Variants in AFF3 observed in about 807,000 individuals in gnomAD.
AFF3 encodes the protein AF4/FMR2 family member 3.
In AFF3, 32 loss-of-function variants were observed where a neutral mutation model predicts 129.7. The ratio of observed to expected loss-of-function variants is 0.25; its 90% CI spans 0.19 to 0.33. The LOEUF is 0.33. Among genes scored for constraint, AFF3 ranks in the 10% least tolerant of loss-of-function variants. AFF3 has a pLI of 1.00. For synonymous variants in AFF3, 644 were observed against 635.4 expected, an observed-to-expected ratio of 1.01 and a Z score of -0.20; for missense variants, 1,373 against 1,592.0, an observed-to-expected ratio of 0.86 and a Z score of 2.34.
chr2:99,691,139 G>A (rs927893201), intron 11 of AFF3, among the ~76,000 whole-genome samples: 1 of 151,960 alleles, frequency 6.6e-6, no homozygotes, highest in Non-Finnish European at 1.5e-5. Flanking sequence ...ATATTAGCTG[G>A]GACTTCCTCA....
In AFF3 at chr2:100,142,516, C is replaced by T. The variant is rs1298410019; in HGVS notation, c.-260G>A. ...CTCCCGTTCCTTTTCTTTCTCTCCC[C>T]AGTAAGTCGTTGAACGTCTTTCTTC... On this transcript the variant is annotated 5_prime_UTR_variant, in exon 1 of 25. Coordinates refer to ENST00000672756, the MANE Select transcript of AFF3 (RefSeq NM_001386135.1). 2.0e-5 allele frequency: 3 copies of T among 152,388 alleles called. No homozygotes were observed. Among genetic ancestry groups the T allele is most frequent in the Non-Finnish European group, 4.4e-5 (3 of 68,110 alleles). The allele number at this position is 152,388 out of a possible 1,614,324, so 9.4% of individuals were successfully genotyped here.
intron 11 of AFF3, among the ~76,000 whole-genome samples, chr2:99,697,118 T>C (rs182388571): frequency 1.2e-3 from 182 of 152,296 alleles, no homozygotes; most frequent in Non-Finnish European, 1.9e-3. Context: ...GGAATCTCAG[T>C]CCAGGGCAAA....
At chr2:100,024,231 C>CAA (rs56368025) in intron 4 of AFF3, among the ~76,000 whole-genome samples, 79 of 55,874 alleles carry the variant, frequency 1.4e-3, no homozygotes, top group East Asian at 2.1e-3. Flanking sequence ...GACTCCGTCT[C>CAA]AAAAAAAAAA....
chr2:99,711,852 T>C (rs1030360352), intron 11 of AFF3, among the ~76,000 whole-genome samples: 2 of 152,202 alleles, frequency 1.3e-5, no homozygotes, highest in Admixed American at 1.3e-4. Flanking sequence ...CAATATTTAT[T>C]GATTGCTTGC....
chr2:99,836,517 T>C (rs1688885924), intron 8 of AFF3, among the ~76,000 whole-genome samples: 1 of 152,186 alleles, frequency 6.6e-6, no homozygotes, highest in African/African-American at 2.4e-5. Context: ...TCTCAATTAG[T>C]TATTCTGGTC....
At chr2:99,961,309 T>C (rs1360857914) in intron 7 of AFF3, among the ~76,000 whole-genome samples, 2 of 152,168 alleles carry the variant, frequency 1.3e-5, no homozygotes, top group African/African-American at 2.4e-5. Context: ...ATCATATACT[T>C]TGGGCATCAC....
In AFF3 at chr2:100,007,023, T is replaced by A; in HGVS notation, c.488-6A>T. The A allele has an allele frequency of 6.2e-7, 1 of 1,600,224 alleles. No homozygotes were observed. The highest frequency in any genetic ancestry group is 1.1e-5 in the South Asian group (1 of 89,824). ...CCTGAGAGAGCCCTGTTGTGCTGAGTTGGAAGAAGAAGAAGAGGAAGATAA... is the reference window on the plus strand; with the variant it reads ...CCTGAGAGAGCCCTGTTGTGCTGAGATGGAAGAAGAAGAAGAGGAAGATAA... On this transcript the variant is annotated splice_region_variant and splice_polypyrimidine_tract_variant and intron_variant, in intron 6 of 24. Transcript: ENST00000672756.
chr2:99,842,405 A>G (rs927577051), intron 7 of AFF3, among the ~76,000 whole-genome samples: 1 of 152,160 alleles, frequency 6.6e-6, no homozygotes, highest in Non-Finnish European at 1.5e-5. Context: ...GTACCCACTG[A>G]GAAGGAAGGC....
intron 4 of AFF3, among the ~76,000 whole-genome samples, chr2:100,014,741 C>T (rs867676107): frequency 8.1e-5 from 12 of 149,068 alleles, no homozygotes; most frequent in East Asian, 2.0e-4. Context: ...TATTCAGAGG[C>T]GGTTATGTTA....
chr2:99,645,004 C>G (rs746930440), intron 13 of AFF3, among the ~76,000 whole-genome samples: 1 of 152,210 alleles, frequency 6.6e-6, no homozygotes, highest in Non-Finnish European at 1.5e-5. Context: ...CCTTTGCAAA[C>G]TGAGATTTTC....
chr2:100,135,193 A>C (rs1345499116), intron 1 of AFF3, among the ~76,000 whole-genome samples: 1 of 152,216 alleles, frequency 6.6e-6, no homozygotes, highest in East Asian at 1.9e-4. Context: ...TGGATTTTGC[A>C]CTGGGTGAGG....
chr2:99,563,567 T>C (rs1675683169), intron 20 of AFF3, among the ~76,000 whole-genome samples: 1 of 150,636 alleles, frequency 6.6e-6, no homozygotes, highest in Non-Finnish European at 1.5e-5. Flanking sequence ...TCTCAGCACT[T>C]TGGGAGGCCG....
At chr2:99,552,995 C>CA (rs1366289283) in intron 24 of AFF3, among the ~76,000 whole-genome samples, 2 of 152,106 alleles carry the variant, frequency 1.3e-5, no homozygotes, top group African/African-American at 4.8e-5. Context: ...TGCAATGGTG[C>CA]GATCTTGGCT....
intron 7 of AFF3, among the ~76,000 whole-genome samples, chr2:99,902,078 C>T (rs1220281920): frequency 6.6e-6 from 1 of 151,564 alleles, no homozygotes; most frequent in East Asian, 1.9e-4. Context: ...GGTGCTCCCA[C>T]AGAACCCTTG....
Position 99,632,056 on chromosome 2 carries a change from C to T in AFF3, c.1184+17570G>A, listed in dbSNP as rs147083159. ...TTTTAGATAGAGTCTCGCTTTGTCA[C>T]CCAGGCTGGAGTGCAATGGCGTGAT... On this transcript the variant is annotated intron_variant, in intron 13 of 24. Coordinates refer to ENST00000672756, the MANE Select transcript of AFF3 (RefSeq NM_001386135.1). 8.6e-3 allele frequency among the ~76,000 whole-genome samples: 1,107 copies of T among 129,118 alleles called. 4 individuals carry two copies. The highest frequency in any genetic ancestry group is 0.013 in the Non-Finnish European group (832 of 63,816). The allele number at this position is 129,118 out of a possible 152,430, so 84.7% of individuals were successfully genotyped here.
At chr2:100,070,442 A>G (rs1210354254) in intron 4 of AFF3, among the ~76,000 whole-genome samples, 3 of 152,214 alleles carry the variant, frequency 2.0e-5, no homozygotes, top group Non-Finnish European at 4.4e-5. Flanking sequence ...GCTCCAGGTC[A>G]ACTTTCCTGT....
At chr2:99,708,079 T>G (rs1293679648) in intron 11 of AFF3, among the ~76,000 whole-genome samples, 1 of 152,196 alleles carries the variant, frequency 6.6e-6, no homozygotes, top group Non-Finnish European at 1.5e-5. Context: ...CATAAGTATG[T>G]CCCAAATATT....
At chr2:100,001,202 G>A (rs1289030467) in intron 7 of AFF3, among the ~76,000 whole-genome samples, 2 of 152,130 alleles carry the variant, frequency 1.3e-5, no homozygotes, top group East Asian at 3.9e-4. Flanking sequence ...CACCCTCCAC[G>A]CTTTCTGGTC....
intron 8 of AFF3, among the ~76,000 whole-genome samples, chr2:99,816,020 T>A (rs72956188): frequency 6.6e-6 from 1 of 152,166 alleles, no homozygotes; most frequent in African/African-American, 2.4e-5. Flanking sequence ...TATTATCCAA[T>A]AGGTCTTGGA....
Sources: allele counts gnomAD v4.1 joint callset (sites outside exome capture counted in the v4.1 genomes callset), GRCh38; gene constraint gnomAD v4.1.1; transcripts MANE v1.5; gene names NCBI Gene and HGNC (gene_info 2026-07-23, HGNC 2026-07-21).